NID2: variants seen among roughly 807,000 people sequenced by gnomAD.
NID2 encodes nidogen 2.
NID2 carries 83 observed loss-of-function variants against 145.4 expected under a neutral mutation model. That is an observed-to-expected ratio of 0.57 (90% confidence interval 0.48 to 0.69). The LOEUF (loss-of-function observed/expected upper bound fraction) is 0.69, where lower values mean the gene tolerates loss of function less well. NID2 is among the 30% of genes least tolerant of loss of function. The probability of loss-of-function intolerance (pLI) is 0.00; values close to 1 mark genes in which losing one functional copy is unlikely to be tolerated. For missense variants in NID2, 1,807 were observed against 1,765.7 expected, an observed-to-expected ratio of 1.02 and a Z score of -0.42; for synonymous variants, 739 against 701.3, an observed-to-expected ratio of 1.05 and a Z score of -0.85.
At chr14:52,024,536 T>G (rs1051294004) in intron 12 of NID2, among the ~76,000 whole-genome samples, 1 of 152,196 alleles carries the variant, frequency 6.6e-6, no homozygotes, top group Non-Finnish European at 1.5e-5. Context: ...TGTGGCCTTG[T>G]GAGAGATCCT....
chr14:52,042,658 G>T, intron 6 of NID2, 124 bp downstream of exon 6: 2 of 1,017,976 alleles, frequency 2.0e-6, no homozygotes, highest in Non-Finnish European at 2.9e-6. Context: ...GCACCTGCAA[G>T]TTGATAGCAC....
chr14:52,033,943 T>C (rs1325160226), intron 9 of NID2, among the ~76,000 whole-genome samples: 1 of 152,168 alleles, frequency 6.6e-6, no homozygotes, highest in Non-Finnish European at 1.5e-5. Context: ...GGTCACTTAC[T>C]ATGACCAGGC....
intron 16 of NID2, among the ~76,000 whole-genome samples, chr14:52,013,510 G>A (rs113812935): frequency 2.2e-4 from 33 of 152,274 alleles, no homozygotes; most frequent in Middle Eastern, 3.4e-3. Flanking sequence ...CTTGAATGCC[G>A]TACTATTCTT....
Position 52,042,360 on chromosome 14 carries a change from A to C in NID2, c.1580-10T>G. The C allele has an allele frequency of 6.2e-7, 1 of 1,600,788 alleles. No homozygotes were observed. Among genetic ancestry groups the C allele is most frequent in the Non-Finnish European group, 8.5e-7 (1 of 1,170,176 alleles). On this transcript the variant is annotated splice_polypyrimidine_tract_variant and intron_variant, in intron 6 of 21. Transcript: ENST00000216286. ...ACTCGGTGAGGTGCCCCTAAAAGAC[A>C]GCAAATCCAGTTAGGCTTGGACGTC...
chr14:52,017,429 C>G (rs1410614420), intron 14 of NID2, among the ~76,000 whole-genome samples: 2 of 152,056 alleles, frequency 1.3e-5, no homozygotes, highest in African/African-American at 4.8e-5. Context: ...CAGTTGGGGC[C>G]AAACCAGCGC....
chr14:52,042,819 G>A lies in NID2; in HGVS notation c.1542C>T (p.Ser514=), dbSNP rs776098249. Reference sequence around the variant, plus strand: ...AGTGCTTCCCATTTCCATAAAACTTGGATTGGCAGTGGCAGCAGAAGCCAG... The same window carrying A: ...AGTGCTTCCCATTTCCATAAAACTTAGATTGGCAGTGGCAGCAGAAGCCAG... ...YATGFCCHCQ[S]KFYGNGKHCL... The change falls in exon 6 of 22, where the codon TCC becomes TCT. Residue 514 remains serine (S), a synonymous_variant. Transcript: ENST00000216286. 5 of 1,614,158 alleles carry A rather than the reference G, an allele frequency of 3.1e-6. No individual in the cohort carries two copies. The highest frequency in any genetic ancestry group is 3.3e-5 in the Admixed American group (2 of 60,022).
Position 52,065,482 on chromosome 14 carries a change from T to TTTTA in NID2, c.534+2372_534+2375dup, listed in dbSNP as rs60264924. 9.6e-3 allele frequency among the ~76,000 whole-genome samples: 1,282 copies of TTTTA among 132,974 alleles called. 21 individuals carry two copies. Among genetic ancestry groups the TTTTA allele is most frequent in the African/African-American group, 0.027 (907 of 33,624 alleles). 87.2% of individuals were successfully genotyped at this position (132,974 alleles called of 152,430 possible). Reference sequence around the variant, plus strand: ...TTTTTTTTTTTTTTTCCCCTTTCTTTTTTATTTATTTATTTATTTATTTAT... The same window carrying TTTTA: ...TTTTTTTTTTTTTTTCCCCTTTCTTTTTTATTTATTTATTTATTTATTTATTTAT... On this transcript the variant is annotated intron_variant, in intron 2 of 21. Coordinates refer to ENST00000216286, the MANE Select transcript of NID2 (RefSeq NM_007361.4).
intron 10 of NID2, among the ~76,000 whole-genome samples, chr14:52,029,256 T>TA (rs761026453): frequency 2.6e-5 from 4 of 152,282 alleles, no homozygotes; most frequent in East Asian, 1.9e-4. Context: ...AAGAACTACT[T>TA]ACTACAAAAG....
Position 52,005,507 on chromosome 14 carries a change from A to C in NID2, c.4118-11T>G. The C allele has an allele frequency of 6.3e-7, 1 of 1,596,340 alleles. No homozygotes were observed. The highest frequency in any genetic ancestry group is 8.5e-7 in the Non-Finnish European group (1 of 1,173,658). On this transcript the variant is annotated splice_polypyrimidine_tract_variant and intron_variant, in intron 21 of 21. Coordinates refer to ENST00000216286, the MANE Select transcript of NID2 (RefSeq NM_007361.4). ...GTACTTACTTTCTTCCTGTGAGAGA[A>C]GAGCAGGGGTGGGACAGGGTGGTGG... is the stretch of plus-strand genomic sequence containing the variant.
chr14:52,032,509 C>T (rs539922199), intron 9 of NID2, among the ~76,000 whole-genome samples: 6 of 152,212 alleles, frequency 3.9e-5, no homozygotes, highest in Non-Finnish European at 5.9e-5. Flanking sequence ...TGAGTCAGTC[C>T]TCAATAGGTT....
At chr14:52,062,096 T>A (rs1357519164) in intron 2 of NID2, among the ~76,000 whole-genome samples, 1 of 152,242 alleles carries the variant, frequency 6.6e-6, no homozygotes, top group Non-Finnish European at 1.5e-5. Context: ...CCCACAGTTG[T>A]TCTAGCTCTT....
chr14:52,060,256 T>A lies in NID2; in HGVS notation c.635A>T (p.Lys212Ile), dbSNP rs1892980193. Reference protein sequence around the residue: ...NGLQFLGTRPKESYNVQLQLP... With the variant: ...NGLQFLGTRPIESYNVQLQLP... ...CTGAAGCTGGACATTGTAAGACTCT[T>A]TGGGGCGGGTTCCAAGGAACTGCAG... The change falls in exon 3 of 22, where the codon AAA becomes ATA. Residue 212 changes from lysine (K) to isoleucine (I), a missense_variant. Lys to Ile is a moderately radical substitution (Grantham distance 102). Coordinates refer to ENST00000216286, the MANE Select transcript of NID2 (RefSeq NM_007361.4). 1.2e-6 allele frequency: 2 copies of A among 1,613,706 alleles called. No individual in the cohort carries two copies.
chr14:52,045,933 G>A (rs1435041802), intron 5 of NID2, among the ~76,000 whole-genome samples: 1 of 152,120 alleles, frequency 6.6e-6, no homozygotes. Context: ...AAAATAAGTA[G>A]AACACCTCTT....
At chr14:52,032,578 GATCATCTCCC>G (rs55664476) in intron 9 of NID2, among the ~76,000 whole-genome samples, 70,595 of 151,668 alleles carry the variant, frequency 0.47, 17,251 homozygotes, top group South Asian at 0.57. Flanking sequence ...ACAAGAACGT[GATCATCTCCC>G]ATCATTTCTC....
chr14:52,011,503 G>C lies in NID2; in HGVS notation c.3550+51C>G, dbSNP rs570004557. Reference sequence around the variant, plus strand: ...GGAGACTTCGGCGTAAAGTAGACAAGTGACTTTGTAGAATCAAATGAAATG... The same window carrying C: ...GGAGACTTCGGCGTAAAGTAGACAACTGACTTTGTAGAATCAAATGAAATG... On this transcript the variant is annotated intron_variant, in intron 17 of 21. Coordinates refer to ENST00000216286, the MANE Select transcript of NID2 (RefSeq NM_007361.4). The C allele has an allele frequency of 1.6e-4, 264 of 1,611,300 alleles. 3 individuals are homozygous for C. In the South Asian group the frequency reaches 2.6e-3, roughly 16 times the overall value.
At chr14:52,028,222 A>T (rs1186152991) in intron 11 of NID2, among the ~76,000 whole-genome samples, 1 of 152,090 alleles carries the variant, frequency 6.6e-6, no homozygotes, top group Non-Finnish European at 1.5e-5. Context: ...AGGGAAAAAC[A>T]GTGAAAATAA....
intron 5 of NID2, among the ~76,000 whole-genome samples, chr14:52,050,155 C>T (rs544677850): frequency 1.2e-4 from 18 of 152,200 alleles, no homozygotes; most frequent in Non-Finnish European, 2.2e-4. Flanking sequence ...CCTCAGCAGG[C>T]TTAAGAATAA....
intron 8 of NID2, among the ~76,000 whole-genome samples, chr14:52,039,741 G>T (rs1892207858): frequency 6.6e-6 from 1 of 152,186 alleles, no homozygotes; most frequent in African/African-American, 2.4e-5. Flanking sequence ...TACTTTCACA[G>T]AACACATCAC....
chr14:52,036,432 A>C (rs1892073015), intron 9 of NID2, among the ~76,000 whole-genome samples: 1 of 152,164 alleles, frequency 6.6e-6, no homozygotes, highest in Admixed American at 6.5e-5. Context: ...TGTTGCTTCC[A>C]CCTTTTGGCT....
Sources: gnomAD v4.1 joint callset for allele counts (sites outside exome capture counted in the v4.1 genomes callset) on GRCh38, gnomAD v4.1.1 for gene constraint, MANE v1.5 for transcripts, NCBI Gene and HGNC (gene_info 2026-07-23, HGNC 2026-07-21) for gene names.